The following MAGI3 variants were observed in gnomAD, a reference collection of about 807,000 sequenced individuals.
The protein encoded by MAGI3 is membrane-associated guanylate kinase, WW and PDZ domain-containing protein 3.
MAGI3 carries 43 observed loss-of-function variants against 121.8 expected under a neutral mutation model. The ratio of observed to expected loss-of-function variants is 0.35; its 90% CI spans 0.28 to 0.46. The LOEUF (loss-of-function observed/expected upper bound fraction) is 0.46, where lower values mean the gene tolerates loss of function less well. MAGI3 is among the 20% of genes least tolerant of loss of function. MAGI3 has a pLI of 1.00. For synonymous variants in MAGI3, 553 were observed against 639.3 expected (o/e 0.86, Z 2.04); for missense variants, 1,547 against 1,797.3 (o/e 0.86, Z 2.52).
chr1:113,533,779 C>CTTT (rs1369851533), intron 1 of MAGI3, among the ~76,000 whole-genome samples: 20 of 140,226 alleles, frequency 1.4e-4, no homozygotes, highest in African/African-American at 4.9e-4. Flanking sequence ...AATATCTTTT[C>CTTT]TTTTTCTTTT....
intron 1 of MAGI3, among the ~76,000 whole-genome samples, chr1:113,408,392 C>T (rs1232736391): frequency 6.6e-6 from 1 of 152,066 alleles, no homozygotes; most frequent in Admixed American, 6.6e-5. Flanking sequence ...TGTGTAAGCA[C>T]TTTATTTTCC....
intron 1 of MAGI3, among the ~76,000 whole-genome samples, chr1:113,548,358 T>A (rs192566147): frequency 6.6e-6 from 1 of 152,378 alleles, no homozygotes; most frequent in East Asian, 1.9e-4. Flanking sequence ...CTGTTTTTTC[T>A]GCTTAATATT....
intron 1 of MAGI3, among the ~76,000 whole-genome samples, chr1:113,485,252 G>A (rs563667834): frequency 3.3e-5 from 5 of 152,258 alleles, no homozygotes; most frequent in African/African-American, 1.2e-4. Context: ...CGTTTCCATA[G>A]TGATTGTTTG....
intron 2 of MAGI3, among the ~76,000 whole-genome samples, chr1:113,564,151 G>T (rs145372827): frequency 6.6e-6 from 1 of 152,122 alleles, no homozygotes; most frequent in African/African-American, 2.4e-5. Context: ...TACTAGTAGC[G>T]CTCCCAGGAG....
intron 1 of MAGI3, among the ~76,000 whole-genome samples, chr1:113,459,409 A>G (rs1654923636): frequency 6.6e-6 from 1 of 152,226 alleles, no homozygotes; most frequent in Admixed American, 6.5e-5. Flanking sequence ...GAATACTACC[A>G]CATATTCTTT....
At chr1:113,570,121 TA>T (rs1283279105) in intron 2 of MAGI3, among the ~76,000 whole-genome samples, 1 of 152,148 alleles carries the variant, frequency 6.6e-6, no homozygotes, top group East Asian at 1.9e-4. Flanking sequence ...AACTCCCACT[TA>T]TGAGTGAGAA....
At chr1:113,530,805 A>C (rs1013262903) in intron 1 of MAGI3, among the ~76,000 whole-genome samples, 7 of 151,884 alleles carry the variant, frequency 4.6e-5, no homozygotes, top group Non-Finnish European at 1.0e-4. Context: ...AGTCCCAGCT[A>C]CTCGCGAAGC....
chr1:113,446,077 A>C (rs1263481486), intron 1 of MAGI3, among the ~76,000 whole-genome samples: 2 of 152,260 alleles, frequency 1.3e-5, no homozygotes, highest in African/African-American at 4.8e-5. Context: ...ACATTAAGAA[A>C]AACAATCATT....
In MAGI3 at chr1:113,683,019, T is replaced by A; in HGVS notation, c.3451T>A (p.Ser1151Thr). 1.2e-6 allele frequency: 2 copies of A among 1,613,956 alleles called. No homozygotes were observed. Among genetic ancestry groups the A allele is most frequent in the Non-Finnish European group, 1.7e-6 (2 of 1,179,890 alleles). Residue 1151 changes from serine (S) to threonine (T), a missense_variant, in exon 21 of 21, where the codon TCT becomes ACT. Transcript: ENST00000307546. The part of the protein sequence containing the change: ...EESHVPVIEE[S>T]LRVQICEKAE... ...GTCTCACGTGCCAGTAATTGAAGAA[T>A]CTTTGAGAGTTCAGATATGTGAAAA...
At chr1:113,622,697 A>C in intron 8 of MAGI3, 109 bp from the exon 9 acceptor site, 2 of 888,430 alleles carry the variant, frequency 2.3e-6, no homozygotes, top group Non-Finnish European at 3.3e-6. Context: ...GCAATGAGAA[A>C]GAGATTAAGT....
At chr1:113,661,681 T>C (rs375521652) in intron 16 of MAGI3, among the ~76,000 whole-genome samples, 3 of 152,208 alleles carry the variant, frequency 2.0e-5, no homozygotes, top group Non-Finnish European at 4.4e-5. Flanking sequence ...CAAACACTTG[T>C]GGACAGACAC....
intron 15 of MAGI3, among the ~76,000 whole-genome samples, chr1:113,654,925 C>CT (rs1653388666): frequency 6.6e-6 from 1 of 152,036 alleles, no homozygotes; most frequent in Admixed American, 6.6e-5. Flanking sequence ...AAAGAAAACA[C>CT]TTTTAGGAAA....
intron 1 of MAGI3, among the ~76,000 whole-genome samples, chr1:113,542,130 G>T (rs1167291750): frequency 6.6e-6 from 1 of 151,934 alleles, no homozygotes; most frequent in Non-Finnish European, 1.5e-5. Context: ...TATTCTTGGG[G>T]GATATGTCCC....
At chr1:113,481,264 T>C (rs985570913) in intron 1 of MAGI3, among the ~76,000 whole-genome samples, 2 of 152,222 alleles carry the variant, frequency 1.3e-5, no homozygotes, top group Non-Finnish European at 2.9e-5. Context: ...GCATGACTTC[T>C]ATTTCTTTTA....
chr1:113,482,541 TGCCCAG>T (rs1656161360), intron 1 of MAGI3, among the ~76,000 whole-genome samples: 1 of 151,932 alleles, frequency 6.6e-6, no homozygotes, highest in South Asian at 2.1e-4. Context: ...CTCACTATGT[TGCCCAG>T]GCTGGTGTTG....
intron 1 of MAGI3, among the ~76,000 whole-genome samples, chr1:113,407,209 G>A (rs2101319407): frequency 6.6e-6 from 1 of 152,206 alleles, no homozygotes; most frequent in African/African-American, 2.4e-5. Context: ...TGGAAGGAGG[G>A]CAAGAGTGGA....
chr1:113,517,213 T>C (rs1008734255), intron 1 of MAGI3, among the ~76,000 whole-genome samples: 4 of 151,902 alleles, frequency 2.6e-5, no homozygotes, highest in African/African-American at 9.7e-5. Flanking sequence ...TTGTGAAAAA[T>C]ATACCATAGT....
At chr1:113,449,919 T>C (rs960537822) in intron 1 of MAGI3, 3 of 1,513,392 alleles carry the variant, frequency 2.0e-6, no homozygotes, top group East Asian at 2.3e-5. Flanking sequence ...AATGTGTGCT[T>C]GACCACACAA....
At chr1:113,606,828 T>G (rs146796529) in intron 6 of MAGI3, among the ~76,000 whole-genome samples, 2,920 of 152,292 alleles carry the variant, frequency 0.019, 57 homozygotes, top group Non-Finnish European at 0.028. Flanking sequence ...CACGTCCTGT[T>G]GCTTTTTCTT....
Sources: gnomAD v4.1 joint callset for allele counts (sites outside exome capture counted in the v4.1 genomes callset) on GRCh38, gnomAD v4.1.1 for gene constraint, MANE v1.5 for transcripts, NCBI Gene and HGNC (gene_info 2026-07-23, HGNC 2026-07-21) for gene names.